The following LTBP1 variants were observed in gnomAD, a reference collection of about 807,000 sequenced individuals.
The protein encoded by LTBP1 is latent-transforming growth factor beta-binding protein 1.
A neutral mutation model predicts 207.6 loss-of-function variants in LTBP1; 129 were observed. The ratio of observed to expected loss-of-function variants is 0.62; its 90% CI spans 0.54 to 0.72. The LOEUF (loss-of-function observed/expected upper bound fraction) is 0.72. Ranked by LOEUF, LTBP1 falls within the 30% of genes least tolerant of loss-of-function variation. LTBP1 has a pLI of 0.00. For missense variants in LTBP1, 2,281 were observed against 2,217.2 expected, an observed-to-expected ratio of 1.03 and a Z score of -0.58; for synonymous variants, 963 against 833.7, an observed-to-expected ratio of 1.16 and a Z score of -2.67.
intron 31 of LTBP1, among the ~76,000 whole-genome samples, chr2:33,382,436 ACT>A (rs144825062): frequency 0.026 from 3,893 of 151,422 alleles, 62 homozygotes; most frequent in South Asian, 0.05. Flanking sequence ...CATGCTTATG[ACT>A]CTCTCTGAGT....
At chr2:33,000,189 T>C (rs1685892922) in intron 2 of LTBP1, among the ~76,000 whole-genome samples, 1 of 135,254 alleles carries the variant, frequency 7.4e-6, no homozygotes, top group Non-Finnish European at 1.6e-5. Flanking sequence ...AGTACAGGGC[T>C]CCAGGCCTTG....
At chr2:33,125,347 C>T (rs2081364764) in intron 4 of LTBP1, among the ~76,000 whole-genome samples, 2 of 152,134 alleles carry the variant, frequency 1.3e-5, no homozygotes, top group Non-Finnish European at 2.9e-5. Flanking sequence ...TGTGTATTTG[C>T]TCTCTGCAGC....
chr2:33,360,434 T>A (rs1574009208), intron 26 of LTBP1, among the ~76,000 whole-genome samples, 163 bp from the exon 27 acceptor site: 2 of 152,322 alleles, frequency 1.3e-5, no homozygotes, highest in Middle Eastern at 3.4e-3. Context: ...TCAAGTGCAT[T>A]TTTATCTCAA....
At chr2:33,180,486 C>T (rs1160999909) in intron 5 of LTBP1, among the ~76,000 whole-genome samples, 1 of 145,658 alleles carries the variant, frequency 6.9e-6, no homozygotes, top group Non-Finnish European at 1.5e-5. Context: ...GGGTCTCACT[C>T]TGTCACTGAG....
chr2:33,302,986 AACAC>A (rs767472732), intron 22 of LTBP1, among the ~76,000 whole-genome samples: 2,207 of 137,620 alleles, frequency 0.016, 28 homozygotes, highest in Admixed American at 0.022. Context: ...CACACACACA[AACAC>A]ACACAAACAC....
At chr2:33,179,114 A>C (rs568092274) in intron 5 of LTBP1, among the ~76,000 whole-genome samples, 1 of 152,178 alleles carries the variant, frequency 6.6e-6, no homozygotes, top group East Asian at 1.9e-4. Context: ...ACCCCAGCCC[A>C]TGGGGTGCAT....
chr2:33,184,425 C>G (rs2086972897), intron 5 of LTBP1, among the ~76,000 whole-genome samples: 1 of 152,162 alleles, frequency 6.6e-6, no homozygotes, highest in Non-Finnish European at 1.5e-5. Flanking sequence ...TACTCATTAT[C>G]TCCCAAATAT....
chr2:33,282,061 G>T, intron 19 of LTBP1, among the ~76,000 whole-genome samples: 1 of 95,964 alleles, frequency 1.0e-5, no homozygotes, highest in Non-Finnish European at 2.1e-5. Context: ...ACCTATATGT[G>T]CATATATATA....
chr2:33,058,294 A>C (rs1220572872), intron 3 of LTBP1, among the ~76,000 whole-genome samples: 1 of 152,234 alleles, frequency 6.6e-6, no homozygotes, highest in East Asian at 1.9e-4. Flanking sequence ...TATTTCAACT[A>C]ATTTTGCAAA....
At chr2:33,286,267 G>A (rs986512128) in intron 19 of LTBP1, among the ~76,000 whole-genome samples, 3 of 152,144 alleles carry the variant, frequency 2.0e-5, no homozygotes, top group African/African-American at 7.2e-5. Flanking sequence ...GAAGAATTTA[G>A]TATCATTCAG....
At chr2:33,349,511 G>A (rs1207306167) in intron 26 of LTBP1, among the ~76,000 whole-genome samples, 1 of 151,276 alleles carries the variant, frequency 6.6e-6, no homozygotes, top group Non-Finnish European at 1.5e-5. Flanking sequence ...TTTTTGTGTA[G>A]AGGTTCATTT....
chr2:32,984,380 TA>T (rs1683219271), intron 2 of LTBP1, among the ~76,000 whole-genome samples: 1 of 152,232 alleles, frequency 6.6e-6, no homozygotes, highest in African/African-American at 2.4e-5. Flanking sequence ...CACATGGCTT[TA>T]AAGGGCCATC....
chr2:33,083,604 G>A (rs1259944549), intron 3 of LTBP1, among the ~76,000 whole-genome samples: 1 of 152,138 alleles, frequency 6.6e-6, no homozygotes, highest in East Asian at 1.9e-4. Flanking sequence ...TTCTGGTGCT[G>A]CAGTAGGTCC....
chr2:33,186,449 C>T (rs772273129), intron 5 of LTBP1, among the ~76,000 whole-genome samples: 2 of 152,112 alleles, frequency 1.3e-5, no homozygotes, highest in Non-Finnish European at 1.5e-5. Context: ...TACACACTAC[C>T]AGGCCATACA....
At chr2:33,099,594 T>C (rs2079593562) in intron 3 of LTBP1, among the ~76,000 whole-genome samples, 1 of 152,156 alleles carries the variant, frequency 6.6e-6, no homozygotes, top group Non-Finnish European at 1.5e-5. Context: ...GACTGAGACT[T>C]AGAGGAATTT....
chr2:33,157,001 T>C (rs953554004), intron 5 of LTBP1, among the ~76,000 whole-genome samples: 4 of 152,236 alleles, frequency 2.6e-5, no homozygotes, highest in African/African-American at 7.2e-5. Context: ...GGTCTGCAAA[T>C]GACAGATTTT....
intron 32 of LTBP1, among the ~76,000 whole-genome samples, chr2:33,390,679 G>T (rs963448532): frequency 5.9e-5 from 9 of 151,720 alleles, no homozygotes; most frequent in African/African-American, 2.2e-4. Context: ...CCGTAGAGAT[G>T]GGGGGTTTCA....
chr2:33,230,519 T>C (rs2091725356), intron 9 of LTBP1, among the ~76,000 whole-genome samples: 1 of 152,214 alleles, frequency 6.6e-6, no homozygotes, highest in African/African-American at 2.4e-5. Flanking sequence ...AATATAGTTA[T>C]ATGCTCTGAT....
intron 3 of LTBP1, among the ~76,000 whole-genome samples, chr2:33,107,455 C>T (rs569012747): frequency 1.3e-5 from 2 of 151,852 alleles, no homozygotes; most frequent in South Asian, 2.1e-4. Flanking sequence ...CTGTGTAGAA[C>T]AGGTCTGGAT....
Sources: gnomAD v4.1 joint callset for allele counts (sites outside exome capture counted in the v4.1 genomes callset) on GRCh38, gnomAD v4.1.1 for gene constraint, MANE v1.5 for transcripts, NCBI Gene and HGNC (gene_info 2026-07-23, HGNC 2026-07-21) for gene names.